Variants in DCT observed in about 807,000 individuals in gnomAD.
DCT encodes the protein dopachrome tautomerase.
A neutral mutation model predicts 53.0 loss-of-function variants in DCT; 47 were observed. The observed-to-expected ratio is 0.89, with a 90% CI of 0.70 to 1.13. The LOEUF is 1.13. Ranked by LOEUF, DCT falls within the 50% of genes most tolerant of loss-of-function variation. The pLI is 0.00. For missense variants in DCT, 669 were observed against 637.4 expected (o/e 1.05, Z -0.53); for synonymous variants, 244 against 237.0 (o/e 1.03, Z -0.27).
At chr13:94,532,454 C>T in the DCT span, among the ~76,000 whole-genome samples, 4 of 152,042 alleles carry the variant, frequency 2.6e-5, no homozygotes, top group Non-Finnish European at 5.9e-5. Flanking sequence ...TACTATGCAG[C>T]CATAAAAAAG....
intron 6 of DCT, among the ~76,000 whole-genome samples, chr13:94,455,561 A>G (rs921908375): frequency 3.3e-5 from 5 of 152,322 alleles, no homozygotes; most frequent in African/African-American, 1.2e-4. Context: ...TCATTTGTTT[A>G]TGCATGATCT....
At chr13:94,514,578 C>T in the DCT span, among the ~76,000 whole-genome samples, 2 of 152,202 alleles carry the variant, frequency 1.3e-5, no homozygotes, top group Non-Finnish European at 2.9e-5. Flanking sequence ...AGAGGCTGCA[C>T]TTACATGCAA....
At chr13:94,483,715 C>T (rs570581274), upstream of DCT, among the ~76,000 whole-genome samples, 35 of 152,110 alleles carry the variant, frequency 2.3e-4, no homozygotes, top group African/African-American at 7.7e-4. Flanking sequence ...TTGGCCAGGC[C>T]GGTCTCAAAC....
At position 94,479,215 on chromosome 13, in the gene DCT, C is replaced by A; in HGVS notation, c.41G>T (p.Gly14Val). The part of the protein sequence containing the change: ...LWWGFLLSCL[G>V]CKILPGAQGQ... ...CTGGGCTCCTGGCAGGATTTTGCAG[C>A]CCAAGCAACTGAGCAGAAACCCCCA... The change falls in exon 1 of 8, where the codon GGC becomes GTC. Residue 14 changes from glycine to valine, a missense_variant. Coordinates refer to ENST00000377028, the MANE Select transcript of DCT (RefSeq NM_001922.5). The A allele has an allele frequency of 6.2e-7, 1 of 1,605,398 alleles. No individual in the cohort carries two copies. Among genetic ancestry groups the A allele is most frequent in the Non-Finnish European group, 8.5e-7 (1 of 1,172,988 alleles).
chr13:94,529,417 G>A, the DCT span, among the ~76,000 whole-genome samples: 1 of 152,128 alleles, frequency 6.6e-6, no homozygotes, highest in Non-Finnish European at 1.5e-5. Flanking sequence ...AAATGTAAAA[G>A]AACAGAAATC....
chr13:94,539,629 T>A, the DCT span, among the ~76,000 whole-genome samples: 1 of 152,246 alleles, frequency 6.6e-6, no homozygotes, highest in Non-Finnish European at 1.5e-5. Context: ...GTTCCTGGGA[T>A]AAGAGATCAG....
the DCT span, among the ~76,000 whole-genome samples, chr13:94,532,930 A>C: frequency 6.6e-6 from 1 of 152,368 alleles, no homozygotes; most frequent in East Asian, 1.9e-4. Context: ...AAAGTAAGAC[A>C]ATAAAAATAA....
chr13:94,536,177 A>G, the DCT span, among the ~76,000 whole-genome samples: 1 of 152,212 alleles, frequency 6.6e-6, no homozygotes, highest in African/African-American at 2.4e-5. Context: ...CCAGGAGCCA[A>G]TGGTCGATAC....
At chr13:94,503,704 A>T in the DCT span, among the ~76,000 whole-genome samples, 4 of 152,316 alleles carry the variant, frequency 2.6e-5, no homozygotes, top group African/African-American at 9.6e-5. Flanking sequence ...ACCTCTGGGG[A>T]TAGCATGGCC....
the DCT span, among the ~76,000 whole-genome samples, chr13:94,526,053 A>G: frequency 6.6e-6 from 1 of 152,268 alleles, no homozygotes; most frequent in Non-Finnish European, 1.5e-5. Context: ...TTCTGGCCAC[A>G]TGTGCTGTCT....
At chr13:94,476,165 G>A (rs1313840831) in intron 1 of DCT, among the ~76,000 whole-genome samples, 1 of 139,614 alleles carries the variant, frequency 7.2e-6, no homozygotes, top group African/African-American at 2.6e-5. Context: ...GGGCTTTTTA[G>A]AGCAGGGGGA....
rs1359273416 is a variant in DCT at position 94,440,028 on chromosome 13, A to G, written c.1430T>C (p.Met477Thr). The G allele has an allele frequency of 2.5e-6, 4 of 1,614,118 alleles. No homozygotes were observed. Among genetic ancestry groups the G allele is most frequent in the Non-Finnish European group, 3.4e-6 (4 of 1,179,966 alleles). ...PGWPTTLLVV[M>T]GTLVALVGLF... Reference sequence around the variant, plus strand: ...ACCAACCAAAGCCACCAGTGTTCCCATGACTACTAAGAGAGTTGTGGGCCA... The same window carrying G: ...ACCAACCAAAGCCACCAGTGTTCCCGTGACTACTAAGAGAGTTGTGGGCCA... The change falls in exon 8 of 8, where the codon ATG (methionine) becomes ACG (threonine). Residue 477 changes from methionine to threonine, a missense_variant. Physicochemically the swap from Met to Thr is moderately conservative, Grantham distance 81. Coordinates refer to ENST00000377028, the MANE Select transcript of DCT (RefSeq NM_001922.5).
rs940475808 is a variant in DCT at position 94,438,730 on chromosome 13, C to T, written c.*1168G>A. The T allele has an allele frequency of 6.7e-6, 3 of 448,470 alleles. No homozygotes were observed. The highest frequency in any genetic ancestry group is 6.0e-5 in the African/African-American group (3 of 49,892). 27.8% of individuals were successfully genotyped at this position (448,470 alleles called of 1,614,324 possible). A position where few individuals can be genotyped will look rare whatever the true frequency, so the allele number is the denominator to read the frequency against. On this transcript the variant is annotated 3_prime_UTR_variant, in exon 8 of 8. Transcript: ENST00000377028. ...AGTAAAGATTGTCTCATTCTTATTC[C>T]TCATGATCTGATGATTGCATAGCAG... is the stretch of plus-strand genomic sequence containing the variant.
At chr13:94,493,954 A>G in the DCT span, among the ~76,000 whole-genome samples, 1 of 152,120 alleles carries the variant, frequency 6.6e-6, no homozygotes, top group Non-Finnish European at 1.5e-5. Context: ...CTGTATGGGA[A>G]CTCTTTCTAC....
At chr13:94,497,191 G>A in the DCT span, among the ~76,000 whole-genome samples, 25,919 of 152,052 alleles carry the variant, frequency 0.17, 2,402 homozygotes, top group South Asian at 0.28. Context: ...ACCAGATGAC[G>A]GCCTGAATAG....
the DCT span, among the ~76,000 whole-genome samples, chr13:94,517,947 G>C: frequency 2.0e-5 from 3 of 152,022 alleles, no homozygotes; most frequent in African/African-American, 7.2e-5. Context: ...TCACCCCATT[G>C]AAGATGATTT....
At chr13:94,460,044 A>G (rs748273066) in intron 6 of DCT, 47 bp downstream of exon 6, 35 of 1,575,454 alleles carry the variant, frequency 2.2e-5, no homozygotes, top group Non-Finnish European at 2.9e-5. Flanking sequence ...AATAAATCTG[A>G]CATATTATCT....
At chr13:94,513,978 A>C in the DCT span, among the ~76,000 whole-genome samples, 1 of 109,674 alleles carries the variant, frequency 9.1e-6, no homozygotes, top group Non-Finnish European at 1.7e-5. Context: ...CAAGAGCAAA[A>C]CTCTGTCTCA....
chr13:94,470,613 A>C (rs1884581450), intron 1 of DCT, among the ~76,000 whole-genome samples: 1 of 152,140 alleles, frequency 6.6e-6, no homozygotes, highest in Non-Finnish European at 1.5e-5. Context: ...TGACCAGCTC[A>C]CTTACTCCTC....
Sources: gnomAD v4.1 joint callset for allele counts (sites outside exome capture counted in the v4.1 genomes callset) on GRCh38, gnomAD v4.1.1 for gene constraint, MANE v1.5 for transcripts, NCBI Gene and HGNC (gene_info 2026-07-23, HGNC 2026-07-21) for gene names.